Variants in VPS13A observed in about 807,000 individuals in gnomAD.
VPS13A encodes the protein vacuolar protein sorting 13 homolog A.
VPS13A carries 264 observed loss-of-function variants against 390.9 expected under a neutral mutation model. The observed-to-expected ratio is 0.68, with a 90% CI of 0.61 to 0.75. The LOEUF (loss-of-function observed/expected upper bound fraction) is 0.75. Ranked by LOEUF, VPS13A falls within the 30% of genes least tolerant of loss-of-function variation. The pLI is 0.00. For missense variants in VPS13A, 3,409 were observed against 3,733.9 expected, an observed-to-expected ratio of 0.91 and a Z score of 2.27; for synonymous variants, 1,231 against 1,227.1, an observed-to-expected ratio of 1.00 and a Z score of -0.07.
At chr9:77,245,715 C>T (rs1824767962) in intron 19 of VPS13A, among the ~76,000 whole-genome samples, 1 of 152,306 alleles carries the variant, frequency 6.6e-6, no homozygotes, top group South Asian at 2.1e-4. Context: ...AAAGATGACA[C>T]AGTTTTGATA....
intron 9 of VPS13A, among the ~76,000 whole-genome samples, 166 bp from the exon 10 acceptor site, chr9:77,214,163 C>T (rs1822704572): frequency 6.6e-6 from 1 of 151,998 alleles, no homozygotes; most frequent in Admixed American, 6.5e-5. Flanking sequence ...GTAATCCCAG[C>T]CACTCGGGAG....
intron 23 of VPS13A, among the ~76,000 whole-genome samples, chr9:77,269,899 T>C (rs77968229): frequency 0.038 from 5,730 of 152,258 alleles, 297 homozygotes; most frequent in East Asian, 0.12. Flanking sequence ...CCAGTTTGAC[T>C]GGTGTCTTTA....
chr9:77,280,742 C>T (rs946027753), intron 27 of VPS13A, among the ~76,000 whole-genome samples: 1 of 152,128 alleles, frequency 6.6e-6, no homozygotes, highest in South Asian at 2.1e-4. Context: ...CTGCGTCAGA[C>T]TATTTTAATA....
At chr9:77,207,252 T>TATTA in intron 5 of VPS13A, among the ~76,000 whole-genome samples, 1,433 of 87,222 alleles carry the variant, frequency 0.016, 70 homozygotes, top group African/African-American at 0.03. Context: ...TATATATATA[T>TATTA]AAAACGTGTT....
chr9:77,322,857 G>T (rs1026244262), intron 44 of VPS13A, among the ~76,000 whole-genome samples: 1 of 152,026 alleles, frequency 6.6e-6, no homozygotes, highest in South Asian at 2.1e-4. Flanking sequence ...GTTGTCTTGG[G>T]TTAAACTCCT....
intron 68 of VPS13A, chr9:77,385,158 T>G (rs1219387013): frequency 1.1e-6 from 1 of 940,258 alleles, no homozygotes; most frequent in African/African-American, 1.8e-5. Context: ...TTTGTCAAAT[T>G]TCTTTTAATA....
intron 71 of VPS13A, among the ~76,000 whole-genome samples, chr9:77,409,960 C>T (rs1253323286): frequency 6.6e-6 from 1 of 151,566 alleles, no homozygotes; most frequent in Admixed American, 6.6e-5. Context: ...CAAAGATACT[C>T]CTCAAGAAGA....
chr9:77,265,156 G>A (rs139098785), intron 23 of VPS13A, among the ~76,000 whole-genome samples: 1 of 152,288 alleles, frequency 6.6e-6, no homozygotes, highest in East Asian at 1.9e-4. Context: ...CAACTTGATT[G>A]TGATGGATAA....
intron 6 of VPS13A, 71 bp from the exon 7 acceptor site, chr9:77,210,545 G>GT (rs1174593182): frequency 2.0e-6 from 3 of 1,506,512 alleles, no homozygotes; most frequent in African/African-American, 2.8e-5. Flanking sequence ...CACATTGACA[G>GT]TTTTTTCTAT....
intron 16 of VPS13A, 146 bp from the exon 17 acceptor site, chr9:77,227,976 T>C (rs1294374189): frequency 5.3e-6 from 3 of 562,138 alleles, no homozygotes; most frequent in Non-Finnish European, 8.3e-6. Flanking sequence ...TATTGTCTCT[T>C]TTTTTGGGGT....
At chr9:77,311,664 G>A (rs1013038732) in intron 35 of VPS13A, among the ~76,000 whole-genome samples, 2 of 152,078 alleles carry the variant, frequency 1.3e-5, no homozygotes, top group Non-Finnish European at 2.9e-5. Flanking sequence ...CTTGGTAAAT[G>A]ATAAGATATG....
chr9:77,309,807 T>C (rs1245747635), intron 35 of VPS13A, among the ~76,000 whole-genome samples: 1 of 151,570 alleles, frequency 6.6e-6, no homozygotes, highest in Non-Finnish European at 1.5e-5. Context: ...TTGGGTAAAC[T>C]AAGATTCCAC....
At chr9:77,329,393 T>C (rs538011477) in intron 45 of VPS13A, among the ~76,000 whole-genome samples, 23 of 152,334 alleles carry the variant, frequency 1.5e-4, no homozygotes, top group African/African-American at 5.5e-4. Flanking sequence ...CATTTCTAGC[T>C]TTTGCTTTTG....
At chr9:77,358,296 T>C in intron 56 of VPS13A, 61 bp from the exon 57 acceptor site, 1 of 1,384,912 alleles carries the variant, frequency 7.2e-7, no homozygotes, top group African/African-American at 1.4e-5. Context: ...TCAAATCCTG[T>C]TATTCTGGTC....
chr9:77,248,439 C>T (rs551294209), intron 20 of VPS13A, among the ~76,000 whole-genome samples: 5 of 151,612 alleles, frequency 3.3e-5, no homozygotes, highest in Admixed American at 6.6e-5. Flanking sequence ...AGGATGGTCT[C>T]GATCTCCTGA....
At chr9:77,306,132 A>G (rs893287721) in intron 34 of VPS13A, among the ~76,000 whole-genome samples, 2 of 152,324 alleles carry the variant, frequency 1.3e-5, no homozygotes, top group South Asian at 2.1e-4. Flanking sequence ...AAAGCTTAAA[A>G]AAAACCCCAA....
chr9:77,297,722 A>C (rs1281096164), intron 33 of VPS13A, among the ~76,000 whole-genome samples: 1 of 151,998 alleles, frequency 6.6e-6, no homozygotes, highest in East Asian at 1.9e-4. Flanking sequence ...GAAATATAAT[A>C]GTGAGCAATC....
intron 10 of VPS13A, among the ~76,000 whole-genome samples, chr9:77,218,241 G>A (rs190999188): frequency 2.0e-4 from 30 of 151,614 alleles, no homozygotes; most frequent in Admixed American, 1.6e-3. Flanking sequence ...AGACTCCCGA[G>A]TAGCTGGGAC....
At chr9:77,382,356 T>C in intron 68 of VPS13A, 1 of 1,519,636 alleles carries the variant, frequency 6.6e-7, no homozygotes, top group Non-Finnish European at 8.8e-7. Context: ...GTCTTAAAAT[T>C]TACAAACTAC....
Sources: gnomAD v4.1 joint callset for allele counts (sites outside exome capture counted in the v4.1 genomes callset) on GRCh38, gnomAD v4.1.1 for gene constraint, MANE v1.5 for transcripts, NCBI Gene and HGNC (gene_info 2026-07-23, HGNC 2026-07-21) for gene names.